PPIG: variants seen among roughly 807,000 people sequenced by gnomAD.
The protein encoded by PPIG is peptidyl-prolyl cis-trans isomerase G.
In PPIG, 26 loss-of-function variants were observed where a neutral mutation model predicts 87.9. The observed-to-expected ratio is 0.30, with a 90% CI of 0.22 to 0.41. The LOEUF (loss-of-function observed/expected upper bound fraction) is 0.41, where lower values mean the gene tolerates loss of function less well. Among genes scored for constraint, PPIG ranks in the 10% least tolerant of loss-of-function variants. PPIG has a pLI of 1.00. For missense variants in PPIG, 722 were observed against 879.4 expected (o/e 0.82, Z 2.26); for synonymous variants, 308 against 276.5 (o/e 1.11, Z -1.13).
intron 1 of PPIG, among the ~76,000 whole-genome samples, chr2:169,588,958 C>CAAAAA (rs549776875): frequency 7.3e-5 from 5 of 68,392 alleles, no homozygotes; most frequent in Non-Finnish European, 5.6e-5. Flanking sequence ...AACTCCCTCT[C>CAAAAA]AAAAAAAAAA....
Position 169,636,840 on chromosome 2 carries a change from A to G in PPIG, c.1582A>G (p.Asn528Asp). The G allele has an allele frequency of 6.2e-7, 1 of 1,613,782 alleles. No individual in the cohort carries two copies. Among genetic ancestry groups the G allele is most frequent in the Non-Finnish European group, 8.5e-7 (1 of 1,179,950 alleles). ...GTCTAAACAGTTAGAATCAAAGAGT[A>G]ATGAGCATGATCACAGTAAAAGTAA... ...EKSKQLESKS[N>D]EHDHSKSKEK... Residue 528 changes from asparagine to aspartate, a missense_variant, in exon 14 of 14, where the codon AAT (asparagine) becomes GAT (aspartate). Physicochemically the swap from Asn to Asp is conservative, Grantham distance 23. This residue lies in a region of PPIG where 476 missense variants were observed against 483.1 expected (regional missense o/e 0.99). Transcript: ENST00000260970.
At chr2:169,606,591 C>CATAAAAAAAAAA (rs1685333261) in intron 5 of PPIG, among the ~76,000 whole-genome samples, 1 of 85,032 alleles carries the variant, frequency 1.2e-5, no homozygotes. Flanking sequence ...GACTCTGTCT[C>CATAAAAAAAAAA]AAAAAAAAAA....
chr2:169,590,330 G>A (rs1684828770), intron 1 of PPIG, among the ~76,000 whole-genome samples: 1 of 151,924 alleles, frequency 6.6e-6, no homozygotes. Flanking sequence ...ATTTAACAAG[G>A]GAGGATCATT....
At chr2:169,608,532 CT>C in intron 6 of PPIG, 138 bp from the exon 7 acceptor site, 1 of 498,244 alleles carries the variant, frequency 2.0e-6, no homozygotes, top group East Asian at 3.7e-5. Context: ...ATTTGATTCT[CT>C]TCTTTCATAA....
chr2:169,606,240 T>G, intron 5 of PPIG, 94 bp downstream of exon 5: 1 of 848,420 alleles, frequency 1.2e-6, no homozygotes, highest in Non-Finnish European at 2.0e-6. Flanking sequence ...AATATTCTTG[T>G]CACTCTCACT....
At chr2:169,614,554 T>G (rs1381321568) in intron 8 of PPIG, 31 bp from the exon 9 acceptor site, 1 of 1,575,664 alleles carries the variant, frequency 6.3e-7, no homozygotes, top group Non-Finnish European at 8.6e-7. Context: ...TAAAAAGCTT[T>G]TATTTAATAA....
At position 169,637,078 on chromosome 2, in the gene PPIG, G is replaced by T. The variant is rs748608521; in HGVS notation, c.1820G>T (p.Arg607Leu). 1.9e-6 allele frequency: 3 copies of T among 1,613,266 alleles called. No homozygotes were observed. The highest frequency in any genetic ancestry group is 2.5e-6 in the Non-Finnish European group (3 of 1,179,710). The change falls in exon 14 of 14, where the codon CGA becomes CTA. Residue 607 changes from arginine (R) to leucine (L), a missense_variant. By Grantham distance (102) the Arg-to-Leu change is moderately radical. Coordinates refer to ENST00000260970, the MANE Select transcript of PPIG (RefSeq NM_004792.3). ...EYRRRGRSRS[R>L]ERRTPPGRSR... ...AGGAGAAGAGGACGGTCACGAAGCC[G>T]AGAGAGAAGAACACCACCAGGAAGA... is the stretch of plus-strand genomic sequence containing the variant.
At position 169,637,339 on chromosome 2, in the gene PPIG, A is replaced by G. The variant is rs776643783; in HGVS notation, c.2081A>G (p.Gln694Arg). ...CAAAGTCCCTTCTCAAAAATAAAAC[A>G]AAGCAGTCAGGACAATGAATTAAAG... The part of the protein sequence containing the change: ...RDQSPFSKIK[Q>R]SSQDNELKSS... Residue 694 changes from glutamine (Q) to arginine (R), a missense_variant, in exon 14 of 14, where the codon CAA becomes CGA. Physicochemically the swap from Gln to Arg is conservative, Grantham distance 43. Transcript: ENST00000260970. The G allele has an allele frequency of 2.5e-6, 4 of 1,606,734 alleles. No individual in the cohort carries two copies. The highest frequency in any genetic ancestry group is 3.4e-6 in the Non-Finnish European group (4 of 1,178,542).
chr2:169,614,642 A>G lies in PPIG; in HGVS notation c.465A>G (p.Glu155=), dbSNP rs1308094745. Residue 155 remains glutamate (E), a synonymous_variant, in exon 9 of 14, where the codon GAA becomes GAG. Coordinates refer to ENST00000260970, the MANE Select transcript of PPIG (RefSeq NM_004792.3). ...ISGQEVVREI[E]NQKTDAASKP... ...GTCAAGAAGTTGTAAGAGAGATTGA[A>G]AACCAGAAAACAGATGCAGCTAGCA... 6.8e-6 allele frequency: 11 copies of G among 1,613,074 alleles called. No homozygotes were observed. In the Admixed American group the frequency reaches 1.2e-4, roughly 17 times the overall value.
At chr2:169,635,965 A>AT (rs895663812) in intron 12 of PPIG, 127 bp from the exon 13 acceptor site, 122 of 489,900 alleles carry the variant, frequency 2.5e-4, no homozygotes, top group Middle Eastern at 5.7e-4. Context: ...TGCTTTTTAT[A>AT]TTTTTTTTAT....
intron 7 of PPIG, 35 bp from the exon 8 acceptor site, chr2:169,614,427 CTT>C: frequency 6.6e-7 from 1 of 1,504,682 alleles, no homozygotes; most frequent in Non-Finnish European, 9.1e-7. Context: ...TTTTCTCTGA[CTT>C]TGTTTTTATT....
chr2:169,584,539 C>T (rs1483215202), intron 1 of PPIG, 49 bp downstream of exon 1: 3 of 468,344 alleles, frequency 6.4e-6, no homozygotes, highest in Non-Finnish European at 1.3e-5. Flanking sequence ...TTTCAGCAGT[C>T]CCTGCGTACG....
intron 9 of PPIG, among the ~76,000 whole-genome samples, chr2:169,620,697 A>G (rs1200867023): frequency 6.6e-6 from 1 of 152,178 alleles, no homozygotes; most frequent in Non-Finnish European, 1.5e-5. Context: ...AGACGAGACC[A>G]TTTGATGCTG....
At chr2:169,593,867 G>A (rs1250024357) in intron 1 of PPIG, among the ~76,000 whole-genome samples, 1 of 149,834 alleles carries the variant, frequency 6.7e-6, no homozygotes, top group African/African-American at 2.5e-5. Flanking sequence ...ATGTTAGCCA[G>A]GATGATCTCG....
intron 7 of PPIG, among the ~76,000 whole-genome samples, chr2:169,611,567 A>G (rs1390943134): frequency 6.6e-6 from 1 of 152,164 alleles, no homozygotes; most frequent in Non-Finnish European, 1.5e-5. Context: ...CTATTTACAC[A>G]TTTTTAAGCC....
At chr2:169,588,946 G>A (rs1444042126) in intron 1 of PPIG, among the ~76,000 whole-genome samples, 2 of 71,492 alleles carry the variant, frequency 2.8e-5, no homozygotes, top group African/African-American at 5.4e-5. Context: ...GCACAAGAAC[G>A]AAACTCCCTC....
At chr2:169,605,085 G>T (rs1283010855) in intron 4 of PPIG, among the ~76,000 whole-genome samples, 2 of 152,202 alleles carry the variant, frequency 1.3e-5, no homozygotes, top group African/African-American at 4.8e-5. Context: ...TGTAACCCCA[G>T]CACTTTGGAA....
intron 12 of PPIG, 182 bp downstream of exon 12, chr2:169,633,429 A>G: frequency 1.6e-6 from 1 of 629,212 alleles, no homozygotes; most frequent in Non-Finnish European, 2.8e-6. Context: ...CCCAACAGAA[A>G]ATCCATGAGA....
chr2:169,596,556 G>C (rs973443697), intron 1 of PPIG, among the ~76,000 whole-genome samples: 1 of 152,150 alleles, frequency 6.6e-6, no homozygotes, highest in Non-Finnish European at 1.5e-5. Context: ...GAACTTTCTT[G>C]TAACACTCAG....
Sources: allele counts gnomAD v4.1 joint callset (sites outside exome capture counted in the v4.1 genomes callset), GRCh38; gene constraint gnomAD v4.1.1; regional missense constraint gnomAD v4.1.1; transcripts MANE v1.5; gene names NCBI Gene and HGNC (gene_info 2026-07-23, HGNC 2026-07-21).